Variants in NDUFAF6 observed in about 807,000 individuals in gnomAD.
NDUFAF6 encodes NADH:ubiquinone oxidoreductase complex assembly factor 6.
In NDUFAF6, 45 loss-of-function variants were observed where a neutral mutation model predicts 40.8. The ratio of observed to expected loss-of-function variants is 1.10; its 90% CI spans 0.87 to 1.42. The LOEUF (loss-of-function observed/expected upper bound fraction) is 1.42. Among genes scored for constraint, NDUFAF6 ranks in the 40% most tolerant of loss-of-function variants. NDUFAF6 has a pLI of 0.00. For synonymous variants in NDUFAF6, 185 were observed against 155.9 expected (o/e 1.19, Z -1.39); for missense variants, 435 against 418.5 (o/e 1.04, Z -0.34).
chr8:94,924,816 C>T (rs755011030), intron 1 of NDUFAF6, among the ~76,000 whole-genome samples: 75 of 152,314 alleles, frequency 4.9e-4, no homozygotes, highest in Non-Finnish European at 8.7e-4. Flanking sequence ...GATCTTGGCT[C>T]ACTGCAACCT....
At chr8:95,109,893 A>G (rs372444318) in intron 4 of NDUFAF6, among the ~76,000 whole-genome samples, 1 of 152,224 alleles carries the variant, frequency 6.6e-6, no homozygotes, top group Non-Finnish European at 1.5e-5. Context: ...ATACTTTGCT[A>G]CACTTACAAA....
upstream of NDUFAF6, among the ~76,000 whole-genome samples, chr8:94,957,261 G>A (rs1586801496): frequency 4.6e-5 from 7 of 152,272 alleles, no homozygotes; most frequent in South Asian, 1.5e-3. Flanking sequence ...AAGTTCCAGG[G>A]CAATTGAATA....
intron 1 of NDUFAF6, among the ~76,000 whole-genome samples, chr8:94,912,861 C>T (rs376792042): frequency 1.2e-3 from 190 of 152,116 alleles, no homozygotes; most frequent in African/African-American, 4.4e-3. Context: ...TGCCTGTAGT[C>T]CCAGCTACTC....
At chr8:95,056,460 G>T (rs1288104783) in intron 8 of NDUFAF6, among the ~76,000 whole-genome samples, 1 of 151,984 alleles carries the variant, frequency 6.6e-6, no homozygotes, top group East Asian at 1.9e-4. Flanking sequence ...CAATCCACCT[G>T]CCTCGGTCTC....
intron 1 of NDUFAF6, chr8:94,939,667 G>C: frequency 1.3e-6 from 1 of 779,796 alleles, no homozygotes. Flanking sequence ...CAAAGTGCTG[G>C]GATTACAGGT....
chr8:95,035,357 C>A, intron 2 of NDUFAF6, 97 bp from the exon 3 acceptor site: 1 of 1,288,400 alleles, frequency 7.8e-7, no homozygotes, highest in Non-Finnish European at 1.1e-6. Flanking sequence ...AGTCATAATA[C>A]AGAACAGTTA....
At chr8:95,047,784 C>T (rs1563829505) in intron 6 of NDUFAF6, among the ~76,000 whole-genome samples, 1 of 151,336 alleles carries the variant, frequency 6.6e-6, no homozygotes. Flanking sequence ...GCTGGGATTA[C>T]AGGCATGAGC....
intron 4 of NDUFAF6, 129 bp downstream of exon 4, chr8:95,041,755 A>T (rs1171641081): frequency 1.3e-6 from 1 of 796,116 alleles, no homozygotes; most frequent in African/African-American, 1.7e-5. Flanking sequence ...GAATTATGCC[A>T]TTTTATTCAT....
chr8:95,043,916 A>T (rs932677119), intron 4 of NDUFAF6, among the ~76,000 whole-genome samples: 81 of 152,354 alleles, frequency 5.3e-4, no homozygotes, highest in African/African-American at 1.9e-3. Context: ...ATGAAAACAT[A>T]TGTCCACCCA....
At chr8:94,986,652 CT>C (rs1207654061) in intron 2 of NDUFAF6, among the ~76,000 whole-genome samples, 2 of 152,144 alleles carry the variant, frequency 1.3e-5, no homozygotes, top group African/African-American at 2.4e-5. Flanking sequence ...CGGTTTTCTG[CT>C]TTTTCCTTAG....
intron 2 of NDUFAF6, among the ~76,000 whole-genome samples, chr8:95,014,026 T>C (rs1004394247): frequency 9.9e-5 from 15 of 152,274 alleles, no homozygotes; most frequent in African/African-American, 3.6e-4. Context: ...CTGAAGACTG[T>C]CAGCAAACCA....
chr8:94,902,259 A>G (rs1358000866), intron 1 of NDUFAF6, among the ~76,000 whole-genome samples: 2 of 147,340 alleles, frequency 1.4e-5, no homozygotes, highest in African/African-American at 5.0e-5. Context: ...TCAAAAAAAC[A>G]AAAACAAAAA....
At chr8:95,107,936 C>T (rs1422567905), downstream of NDUFAF6, among the ~76,000 whole-genome samples, 1 of 152,164 alleles carries the variant, frequency 6.6e-6, no homozygotes, top group Non-Finnish European at 1.5e-5. Context: ...CTGTCTGGGC[C>T]ACATGAGTTT....
intron 2 of NDUFAF6, among the ~76,000 whole-genome samples, chr8:95,012,061 C>T (rs1184619345): frequency 6.6e-6 from 1 of 152,168 alleles, no homozygotes; most frequent in Non-Finnish European, 1.5e-5. Context: ...ACTGACTCAT[C>T]CTCAAAAGTA....
chr8:94,936,309 T>C (rs994168770), intron 1 of NDUFAF6, among the ~76,000 whole-genome samples: 3 of 152,196 alleles, frequency 2.0e-5, no homozygotes, highest in African/African-American at 7.2e-5. Flanking sequence ...GATCATGTTA[T>C]GTAGGGAATG....
At chr8:94,984,199 C>T (rs1354303511) in intron 2 of NDUFAF6, 1 of 152,100 alleles carries the variant, frequency 6.6e-6, no homozygotes, top group African/African-American at 2.4e-5. Context: ...TGTGCTGAAT[C>T]CCTATGTATC....
chr8:94,947,268 C>T (rs925673906), intron 2 of NDUFAF6, among the ~76,000 whole-genome samples: 9 of 130,422 alleles, frequency 6.9e-5, no homozygotes, highest in East Asian at 2.3e-4. Flanking sequence ...TGCCAGTAGG[C>T]GGCTCCAAAA....
intron 3 of NDUFAF6, among the ~76,000 whole-genome samples, chr8:95,038,186 T>C (rs1563814513): frequency 6.6e-6 from 1 of 152,170 alleles, no homozygotes; most frequent in Non-Finnish European, 1.5e-5. Context: ...TTATTGTTAA[T>C]ATTTTATCCC....
chr8:94,959,311 T>C (rs1476604282), intron 1 of NDUFAF6, among the ~76,000 whole-genome samples: 2 of 152,136 alleles, frequency 1.3e-5, no homozygotes, highest in African/African-American at 4.8e-5. Flanking sequence ...CATTCACATA[T>C]CAAATTACAG....
Sources: gnomAD v4.1 joint callset for allele counts (sites outside exome capture counted in the v4.1 genomes callset) on GRCh38, gnomAD v4.1.1 for gene constraint, MANE v1.5 for transcripts, NCBI Gene and HGNC (gene_info 2026-07-23, HGNC 2026-07-21) for gene names.